The following CCSER1 variants were observed in gnomAD, a reference collection of about 807,000 sequenced individuals.
CCSER1 encodes the protein serine-rich coiled-coil domain-containing protein 1.
CCSER1 carries 41 observed loss-of-function variants against 82.0 expected under a neutral mutation model. That is an observed-to-expected ratio of 0.50 (90% CI 0.39 to 0.65). The LOEUF (loss-of-function observed/expected upper bound fraction) is 0.65, where lower values mean the gene tolerates loss of function less well. Ranked by LOEUF, CCSER1 falls within the 30% of genes least tolerant of loss-of-function variation. The pLI, the probability that CCSER1 is intolerant of heterozygous loss-of-function variation, is 0.00. For missense variants in CCSER1, 1,119 were observed against 1,064.2 expected (o/e 1.05, Z -0.72); for synonymous variants, 414 against 383.9 (o/e 1.08, Z -0.92).
chr4:91,463,844 T>A (rs879005879), intron 10 of CCSER1, among the ~76,000 whole-genome samples: 1 of 152,090 alleles, frequency 6.6e-6, no homozygotes, highest in Non-Finnish European at 1.5e-5. Context: ...CCAAGAAATA[T>A]GGGACTATGT....
chr4:90,192,342 A>G (rs1735808585), intron 1 of CCSER1, among the ~76,000 whole-genome samples: 2 of 152,070 alleles, frequency 1.3e-5, no homozygotes, highest in Non-Finnish European at 2.9e-5. Context: ...ACACGTGGGA[A>G]TTCAAGATGA....
chr4:90,217,840 G>A (rs1178268747), intron 1 of CCSER1, among the ~76,000 whole-genome samples: 1 of 151,852 alleles, frequency 6.6e-6, no homozygotes, highest in African/African-American at 2.4e-5. Flanking sequence ...CTGTTACCCA[G>A]GCTGGAGTGC....
intron 10 of CCSER1, among the ~76,000 whole-genome samples, chr4:91,533,768 C>T (rs1761152931): frequency 6.6e-6 from 1 of 151,906 alleles, no homozygotes; most frequent in South Asian, 2.1e-4. Context: ...ATTATTTCTA[C>T]ATTTCCCAAT....
chr4:90,689,783 G>A (rs1223513270), intron 6 of CCSER1, among the ~76,000 whole-genome samples: 1 of 152,136 alleles, frequency 6.6e-6, no homozygotes, highest in Non-Finnish European at 1.5e-5. Flanking sequence ...GACATAGCCT[G>A]ATTCTGTGGG....
chr4:90,526,304 C>T, intron 5 of CCSER1, among the ~76,000 whole-genome samples: 1 of 152,134 alleles, frequency 6.6e-6, no homozygotes. Flanking sequence ...GTTTTCGAAT[C>T]ATAACTCCAA....
rs1411241928 is a variant in CCSER1, at chr4:91,605,067, TGAGA to T, written c.*6011_*6014del. Reference sequence around the variant, plus strand: ...CATCTCTAAAACTCTAAAACTTTAGTGAGAAAGATAATAAATAGAAAATTACCCT... The same window carrying T: ...CATCTCTAAAACTCTAAAACTTTAGTAAGATAATAAATAGAAAATTACCCT... On this transcript the variant is annotated 3_prime_UTR_variant, in exon 11 of 11. Coordinates refer to ENST00000509176, the MANE Select transcript of CCSER1 (RefSeq NM_001145065.2). 2.0e-5 allele frequency: 3 copies of T among 151,290 alleles called. No individual in the cohort carries two copies. The highest frequency in any genetic ancestry group is 7.2e-5 in the African/African-American group (3 of 41,418). The allele number at this position is 151,290 out of a possible 1,614,324, so 9.4% of individuals were successfully genotyped here.
Position 90,470,873 on chromosome 4 carries a change from G to A in CCSER1, c.1724+2519G>A, listed in dbSNP as rs190878146. On this transcript the variant is annotated intron_variant, in intron 5 of 10. Transcript: ENST00000509176. ...TCTGAAACAATCACTATATCCAAAA[G>A]TATTTGGTGGCGATTGACTAGATAA... is the stretch of plus-strand genomic sequence containing the variant. Among the ~76,000 whole-genome samples the A allele has an allele frequency of 6.1e-4, 91 of 150,118 alleles. No individual in the cohort carries two copies. The East Asian group carries it at 8.4e-3, about 14-fold the overall frequency.
At chr4:91,391,435 G>A (rs933669769) in intron 10 of CCSER1, among the ~76,000 whole-genome samples, 3 of 151,976 alleles carry the variant, frequency 2.0e-5, no homozygotes, top group Non-Finnish European at 2.9e-5. Context: ...AGAGCAGCTG[G>A]GACTACAGGC....
chr4:90,531,537 C>A (rs1774532597), intron 5 of CCSER1, among the ~76,000 whole-genome samples: 1 of 151,710 alleles, frequency 6.6e-6, no homozygotes, highest in African/African-American at 2.4e-5. Context: ...CTTTTTAAAT[C>A]TGTAAGAAGA....
intron 9 of CCSER1, among the ~76,000 whole-genome samples, chr4:91,061,746 G>A (rs1743971283): frequency 6.6e-6 from 1 of 151,902 alleles, no homozygotes; most frequent in Non-Finnish European, 1.5e-5. Context: ...AGCAAATAAA[G>A]TTGTGTGCAG....
intron 8 of CCSER1, among the ~76,000 whole-genome samples, chr4:90,860,362 A>C (rs1204812086): frequency 2.6e-5 from 4 of 151,664 alleles, no homozygotes; most frequent in African/African-American, 4.8e-5. Flanking sequence ...AAAAAATATT[A>C]GCAAGGATAT....
intron 6 of CCSER1, among the ~76,000 whole-genome samples, chr4:90,719,625 C>T (rs1368054501): frequency 6.6e-6 from 1 of 152,020 alleles, no homozygotes; most frequent in African/African-American, 2.4e-5. Flanking sequence ...GCAGAACATT[C>T]CTCAGTTTAG....
At chr4:91,255,900 G>A (rs554915689) in intron 10 of CCSER1, among the ~76,000 whole-genome samples, 1 of 152,098 alleles carries the variant, frequency 6.6e-6, no homozygotes, top group African/African-American at 2.4e-5. Flanking sequence ...TGCACAAATT[G>A]TTCGTAAAGC....
chr4:90,226,692 C>T (rs937916540), intron 1 of CCSER1, among the ~76,000 whole-genome samples: 1 of 152,186 alleles, frequency 6.6e-6, no homozygotes, highest in Non-Finnish European at 1.5e-5. Flanking sequence ...GGCTTTCCAC[C>T]TTGTTGAGAT....
At chr4:90,197,257 C>A (rs2153401750) in intron 1 of CCSER1, among the ~76,000 whole-genome samples, 1 of 152,210 alleles carries the variant, frequency 6.6e-6, no homozygotes, top group East Asian at 1.9e-4. Flanking sequence ...ACAGTCCAGG[C>A]AGCTCCACAA....
chr4:90,854,272 G>T (rs1273433592), intron 8 of CCSER1, among the ~76,000 whole-genome samples: 2 of 152,098 alleles, frequency 1.3e-5, no homozygotes, highest in Non-Finnish European at 2.9e-5. Flanking sequence ...AAACCAGTTT[G>T]GCTGGAATGC....
intron 10 of CCSER1, among the ~76,000 whole-genome samples, chr4:91,260,691 T>A (rs1026513396): frequency 1.3e-5 from 2 of 152,192 alleles, no homozygotes; most frequent in African/African-American, 4.8e-5. Flanking sequence ...CAGGACTTAT[T>A]GTCTTGTTGT....
At chr4:90,730,500 C>G (rs1233331212) in intron 7 of CCSER1, among the ~76,000 whole-genome samples, 3 of 152,150 alleles carry the variant, frequency 2.0e-5, no homozygotes, top group Non-Finnish European at 4.4e-5. Flanking sequence ...ATGTCGATGT[C>G]AACAACACGA....
chr4:90,662,073 A>G (rs905871294), intron 6 of CCSER1, among the ~76,000 whole-genome samples: 8 of 148,720 alleles, frequency 5.4e-5, no homozygotes, highest in Non-Finnish European at 8.9e-5. Flanking sequence ...GTCTTGGCTC[A>G]TTGCAACCTC....
Sources: allele counts gnomAD v4.1 joint callset (sites outside exome capture counted in the v4.1 genomes callset), GRCh38; gene constraint gnomAD v4.1.1; transcripts MANE v1.5; gene names NCBI Gene and HGNC (gene_info 2026-07-23, HGNC 2026-07-21).